AGPAT3: variants seen among roughly 807,000 people sequenced by gnomAD.
The protein encoded by AGPAT3 is 1-acyl-sn-glycerol-3-phosphate acyltransferase gamma.
A neutral mutation model predicts 47.3 loss-of-function variants in AGPAT3; 5 were observed. The observed-to-expected ratio is 0.11, with a 90% CI of 0.06 to 0.22. The LOEUF is 0.22. Ranked by LOEUF, AGPAT3 falls within the 10% of genes least tolerant of loss-of-function variation. The pLI is 1.00. For missense variants in AGPAT3, 315 were observed against 493.0 expected, an observed-to-expected ratio of 0.64 and a Z score of 3.42; for synonymous variants, 212 against 208.3, an observed-to-expected ratio of 1.02 and a Z score of -0.15.
At chr21:43,931,799 A>G (rs1301774409) in intron 2 of AGPAT3, among the ~76,000 whole-genome samples, 1 of 152,194 alleles carries the variant, frequency 6.6e-6, no homozygotes, top group East Asian at 1.9e-4. Flanking sequence ...CAAAATAAGT[A>G]AAACCATGAT....
In AGPAT3 at chr21:43,968,118, G is replaced by A. The variant is rs1332992984; in HGVS notation, c.348+3G>A. ...GTGAGCGCTTCGGAGTGCTGGGGGT[G>A]AGCGGGGACCTGGGGAGGGCCACGG... On this transcript the variant is annotated splice_donor_region_variant and intron_variant, in intron 4 of 9. Transcript: ENST00000291572. 6.2e-7 allele frequency: 1 copy of A among 1,612,640 alleles called. No individual in the cohort carries two copies. The highest frequency in any genetic ancestry group is 8.5e-7 in the Non-Finnish European group (1 of 1,179,462).
At chr21:43,887,231 A>G (rs1472973152) in intron 1 of AGPAT3, among the ~76,000 whole-genome samples, 1 of 152,184 alleles carries the variant, frequency 6.6e-6, no homozygotes, top group Non-Finnish European at 1.5e-5. Flanking sequence ...TTGAGCTGCA[A>G]TGGCCCCAAG....
intron 1 of AGPAT3, among the ~76,000 whole-genome samples, chr21:43,867,920 A>G (rs1300887032): frequency 2.0e-5 from 3 of 152,174 alleles, no homozygotes; most frequent in Non-Finnish European, 4.4e-5. Context: ...TCAAGTGGTA[A>G]AGTAACATGA....
intron 1 of AGPAT3, among the ~76,000 whole-genome samples, chr21:43,873,619 C>G (rs954697825): frequency 6.6e-6 from 1 of 152,144 alleles, no homozygotes; most frequent in African/African-American, 2.4e-5. Context: ...CTCAGGTGAT[C>G]CTCCCACCTT....
chr21:43,886,322 C>T lies in AGPAT3; in HGVS notation c.-111-17635C>T, dbSNP rs982049257. Among the ~76,000 whole-genome samples the T allele has an allele frequency of 2.0e-5, 3 of 152,040 alleles. 1 individual carries two copies. Among genetic ancestry groups the T allele is most frequent in the Non-Finnish European group, 4.4e-5 (3 of 68,008 alleles). The stretch of plus-strand genomic sequence containing the variant: ...AGGCTGGAGTGCAGTGGCGTGGTCT[C>T]GGCTCACTGCAACCTCTGCCTCCCG... On this transcript the variant is annotated intron_variant, in intron 1 of 9. Coordinates refer to ENST00000291572, the MANE Select transcript of AGPAT3 (RefSeq NM_020132.5).
chr21:43,915,926 G>T (rs561277368), intron 2 of AGPAT3, among the ~76,000 whole-genome samples: 1 of 152,090 alleles, frequency 6.6e-6, no homozygotes, highest in Non-Finnish European at 1.5e-5. Context: ...AGTAATCAAT[G>T]GGTTAAATTT....
intron 1 of AGPAT3, chr21:43,866,515 C>G (rs1042702578): frequency 4.6e-5 from 7 of 152,324 alleles, no homozygotes; most frequent in Admixed American, 3.9e-4. Context: ...AGTTTGAAAG[C>G]TTCAGAGGGG....
chr21:43,897,113 A>G (rs975881129), intron 1 of AGPAT3, among the ~76,000 whole-genome samples: 3 of 151,940 alleles, frequency 2.0e-5, no homozygotes, highest in Non-Finnish European at 2.9e-5. Flanking sequence ...GGCCTTCCGC[A>G]GTGTTTGTGT....
chr21:43,975,922 G>A (rs185134274), intron 7 of AGPAT3, among the ~76,000 whole-genome samples: 7 of 151,798 alleles, frequency 4.6e-5, no homozygotes, highest in Admixed American at 3.9e-4. Flanking sequence ...TTGAGCACCC[G>A]CTGTTAAGAT....
chr21:43,965,220 C>T (rs1569097697), intron 3 of AGPAT3: 2 of 152,290 alleles, frequency 1.3e-5, no homozygotes, highest in African/African-American at 4.8e-5. Flanking sequence ...TGAGCCACCG[C>T]ACCAGCCACA....
chr21:43,927,368 T>A (rs1438632441), intron 2 of AGPAT3, among the ~76,000 whole-genome samples: 11 of 152,208 alleles, frequency 7.2e-5, no homozygotes, highest in African/African-American at 2.7e-4. Context: ...TGAAATGTTC[T>A]ATTGCAGCTG....
In AGPAT3 at chr21:43,969,297, C is replaced by T. The variant is rs112277046; in HGVS notation, c.510+18C>T. On this transcript the variant is annotated intron_variant, in intron 5 of 9. Transcript: ENST00000291572. ...ACATGTGGGTGAGTGCGCGGAGCAG[C>T]CCGATACCCTGCATGCCTGGAGGAG... 3 of 1,612,894 alleles carry T rather than the reference C, an allele frequency of 1.9e-6. No homozygotes were observed. Among genetic ancestry groups the T allele is most frequent in the African/African-American group, 2.7e-5 (2 of 74,922 alleles).
chr21:43,906,697 G>A (rs560228117), intron 2 of AGPAT3, among the ~76,000 whole-genome samples: 13 of 152,368 alleles, frequency 8.5e-5, no homozygotes, highest in East Asian at 5.8e-4. Context: ...GCTCTGAGGC[G>A]TGAACCCACA....
intron 2 of AGPAT3, among the ~76,000 whole-genome samples, chr21:43,957,814 T>TCTCAGGTTTCCCCCTGCACATG (rs2088563577): frequency 1.7e-5 from 2 of 118,252 alleles, no homozygotes; most frequent in African/African-American, 6.6e-5. Context: ...CCCTCCACAC[T>TCTCAGGTTTCCCCCTGCACATG]GGGGTCTCGG....
chr21:43,917,413 A>G (rs1378274167), intron 2 of AGPAT3, among the ~76,000 whole-genome samples: 1 of 152,196 alleles, frequency 6.6e-6, no homozygotes, highest in African/African-American at 2.4e-5. Flanking sequence ...CTCCCACTCC[A>G]GTCATCTCCA....
intron 7 of AGPAT3, 126 bp downstream of exon 7, chr21:43,971,616 C>G: frequency 1.2e-6 from 1 of 822,278 alleles, no homozygotes; most frequent in Non-Finnish European, 2.0e-6. Flanking sequence ...GGAACTCACA[C>G]GGAAGGCCTG....
At position 43,985,424 on chromosome 21, in the gene AGPAT3, C is replaced by T. The variant is rs1382695070; in HGVS notation, c.*3032C>T. ...AAAAAAAAAAAAAAGCACGTCCTGTCGATGAATTTTGAGTCTCTCTGCCTT... is the reference window on the plus strand; with the variant it reads ...AAAAAAAAAAAAAAGCACGTCCTGTTGATGAATTTTGAGTCTCTCTGCCTT... On this transcript the variant is annotated 3_prime_UTR_variant, in exon 10 of 10. Transcript: ENST00000291572. 1.5e-5 allele frequency: 5 copies of T among 332,314 alleles called. No homozygotes were observed. In the East Asian group the frequency reaches 2.5e-4, roughly 17 times the overall value. 20.6% of individuals were successfully genotyped at this position (332,314 alleles called of 1,614,324 possible).
Position 43,981,567 on chromosome 21 carries a change from C to T in AGPAT3, c.1042+380C>T, listed in dbSNP as rs2089853290. Among the ~76,000 whole-genome samples the T allele has an allele frequency of 1.3e-5, 2 of 152,148 alleles. No individual in the cohort carries two copies. Among genetic ancestry groups the T allele is most frequent in the Admixed American group, 1.3e-4 (2 of 15,284 alleles). On this transcript the variant is annotated intron_variant, in intron 9 of 9. Coordinates refer to ENST00000291572, the MANE Select transcript of AGPAT3 (RefSeq NM_020132.5). This position sits in a 1 kb window ranked among gnomAD's most constrained non-coding sequence, Gnocchi z 5.3. The stretch of plus-strand genomic sequence containing the variant: ...TTAAGCAGGACATCATCATTCAGCT[C>T]CTCCCCATTGACCCCCAGTGACTTC...
At chr21:43,947,545 G>C (rs151333231) in intron 2 of AGPAT3, among the ~76,000 whole-genome samples, 2 of 152,328 alleles carry the variant, frequency 1.3e-5, no homozygotes, top group East Asian at 1.9e-4. Context: ...TCCAGTGTCT[G>C]TCGGGGCCTT....
Sources: gnomAD v4.1 joint callset for allele counts (sites outside exome capture counted in the v4.1 genomes callset) on GRCh38, gnomAD v4.1.1 for gene constraint, Gnocchi (gnomAD v3.1) non-coding constraint, MANE v1.5 for transcripts, NCBI Gene and HGNC (gene_info 2026-07-23, HGNC 2026-07-21) for gene names.